The following TBCK variants were observed in gnomAD, a reference collection of about 807,000 sequenced individuals.
The protein encoded by TBCK is TBC domain-containing protein kinase-like protein.
TBCK carries 99 observed loss-of-function variants against 113.4 expected under a neutral mutation model. That is an observed-to-expected ratio of 0.87 (90% CI 0.74 to 1.03). TBCK has a LOEUF of 1.03. Ranked by LOEUF, TBCK falls within the 50% of genes least tolerant of loss-of-function variation. The pLI is 0.00. For synonymous variants in TBCK, 369 were observed against 370.8 expected (o/e 1.00, Z 0.05); for missense variants, 1,045 against 1,061.3 (o/e 0.98, Z 0.21).
Position 106,251,527 on chromosome 4 carries a change from T to C in TBCK, c.597+339A>G, listed in dbSNP as rs115009982. 7.1e-3 allele frequency among the ~76,000 whole-genome samples: 1,073 copies of C among 152,058 alleles called. 9 individuals carry two copies. Among genetic ancestry groups the C allele is most frequent in the African/African-American group, 0.024 (999 of 41,530 alleles). On this transcript the variant is annotated intron_variant, in intron 6 of 25. Coordinates refer to ENST00000394708, the MANE Select transcript of TBCK (RefSeq NM_001163435.3). ...TCATATCAATCTTCTAAAAACGTAG[T>C]TTTCATTTCAATATCTTGTTAAACT...
At position 106,220,612 on chromosome 4, in the gene TBCK, T is replaced by TA. The variant is rs201022020; in HGVS notation, c.1775-7778dup. Among the ~76,000 whole-genome samples, 64 of 147,002 alleles carry TA rather than the reference T, an allele frequency of 4.4e-4. 1 individual carries two copies. Among genetic ancestry groups the TA allele is most frequent in the South Asian group, 4.3e-3 (20 of 4,692 alleles). On this transcript the variant is annotated intron_variant, in intron 19 of 25. Transcript: ENST00000394708. The stretch of plus-strand genomic sequence containing the variant: ...TGTGAACTTTTACCCATGCTGGATT[T>TA]AAAAAAAAAAAGATACTCAAGTAAT...
At chr4:106,306,992 A>G (rs1767594666) in intron 2 of TBCK, among the ~76,000 whole-genome samples, 1 of 152,190 alleles carries the variant, frequency 6.6e-6, no homozygotes, top group Non-Finnish European at 1.5e-5. Context: ...TCTGCTAGAC[A>G]ATTAACTTTT....
chr4:106,073,223 T>C (rs1414876095), intron 25 of TBCK, among the ~76,000 whole-genome samples: 2 of 152,324 alleles, frequency 1.3e-5, no homozygotes, highest in Non-Finnish European at 2.9e-5. Context: ...GGTTTCTCCC[T>C]ATCTTTGTGG....
intron 10 of TBCK, among the ~76,000 whole-genome samples, chr4:106,246,068 C>T (rs1400419897): frequency 6.6e-6 from 1 of 152,116 alleles, no homozygotes. Flanking sequence ...CAAATTGTTC[C>T]TTCCCTCATA....
intron 7 of TBCK, among the ~76,000 whole-genome samples, 188 bp downstream of exon 7, chr4:106,250,230 G>A (rs1290775013): frequency 6.6e-6 from 1 of 151,964 alleles, no homozygotes; most frequent in African/African-American, 2.4e-5. Context: ...AGAAATTTCT[G>A]CTGTAATATT....
At chr4:106,234,337 T>C (rs1211561931) in intron 15 of TBCK, among the ~76,000 whole-genome samples, 7 of 152,092 alleles carry the variant, frequency 4.6e-5, no homozygotes, top group South Asian at 2.1e-4. Flanking sequence ...TCTTGTAAAG[T>C]AACCAACTAA....
intron 25 of TBCK, among the ~76,000 whole-genome samples, chr4:106,079,648 G>A (rs1738627913): frequency 6.6e-6 from 1 of 152,164 alleles, no homozygotes; most frequent in Non-Finnish European, 1.5e-5. Flanking sequence ...ACTGGTGAAA[G>A]AAATTATAGA....
intron 22 of TBCK, among the ~76,000 whole-genome samples, chr4:106,188,368 C>A (rs1482682066): frequency 6.6e-6 from 1 of 152,148 alleles, no homozygotes; most frequent in Non-Finnish European, 1.5e-5. Flanking sequence ...TTTTAATCTA[C>A]TTCAAAAGTG....
chr4:106,136,424 A>C (rs1166500226), intron 23 of TBCK, among the ~76,000 whole-genome samples: 2 of 141,096 alleles, frequency 1.4e-5, no homozygotes, highest in African/African-American at 2.5e-5. Context: ...AAACTGGGGA[A>C]CGCTTCTTTG....
chr4:106,092,896 C>T (rs913545867), intron 25 of TBCK, among the ~76,000 whole-genome samples: 14 of 152,312 alleles, frequency 9.2e-5, no homozygotes, highest in African/African-American at 2.6e-4. Context: ...GTGCTGAGGC[C>T]GAGGAGGTGC....
At chr4:106,200,290 C>T (rs1427845166) in intron 20 of TBCK, among the ~76,000 whole-genome samples, 1 of 152,210 alleles carries the variant, frequency 6.6e-6, no homozygotes, top group African/African-American at 2.4e-5. Context: ...CCCACAATCT[C>T]AGCACTTTGG....
intron 3 of TBCK, among the ~76,000 whole-genome samples, chr4:106,269,233 T>C (rs578081270): frequency 6.6e-6 from 1 of 152,184 alleles, no homozygotes. Flanking sequence ...AATGTTCAGA[T>C]AATATTACAA....
At chr4:106,114,061 T>C (rs1277888851) in intron 24 of TBCK, among the ~76,000 whole-genome samples, 1 of 152,194 alleles carries the variant, frequency 6.6e-6, no homozygotes, top group East Asian at 1.9e-4. Context: ...TGTCTTCTAT[T>C]ATTTACTAAT....
intron 19 of TBCK, among the ~76,000 whole-genome samples, chr4:106,218,945 C>T (rs1008270806): frequency 5.3e-5 from 8 of 151,954 alleles, no homozygotes; most frequent in South Asian, 2.1e-4. Flanking sequence ...GCATTATTCA[C>T]GATAGCAAAG....
Position 106,232,938 on chromosome 4 carries a change from C to A in TBCK, c.1639G>T (p.Gly547Cys). The change falls in exon 17 of 26, where the codon GGT becomes TGT. Residue 547 changes from glycine to cysteine, a missense_variant and splice_region_variant. Gly to Cys is a radical substitution (Grantham distance 159). Coordinates refer to ENST00000394708, the MANE Select transcript of TBCK (RefSeq NM_001163435.3). ...VSHPDLVYWQ[G>C]LDSLCAPFLY... ...GAGTTTTAATGACTACAAAAGTTAC[C>A]TTGCCAATACACAAGATCAGGATGA... 1.2e-6 allele frequency: 2 copies of A among 1,609,736 alleles called. No homozygotes were observed. The highest frequency in any genetic ancestry group is 1.7e-5 in the Admixed American group (1 of 59,576).
At chr4:106,060,976 T>C (rs1735970254) in intron 25 of TBCK, among the ~76,000 whole-genome samples, 1 of 151,726 alleles carries the variant, frequency 6.6e-6, no homozygotes. Context: ...GAGCCTGAGA[T>C]GTGGCTGAAC....
intron 12 of TBCK, among the ~76,000 whole-genome samples, chr4:106,240,520 A>G (rs1342266008): frequency 6.6e-6 from 1 of 152,034 alleles, no homozygotes; most frequent in Non-Finnish European, 1.5e-5. Flanking sequence ...TTGTGTTACT[A>G]ATCATGCACA....
At chr4:106,159,276 G>A (rs1749477885) in intron 23 of TBCK, among the ~76,000 whole-genome samples, 1 of 152,020 alleles carries the variant, frequency 6.6e-6, no homozygotes, top group Admixed American at 6.6e-5. Context: ...ACATAGTACT[G>A]GAAGTCCTAG....
chr4:106,103,093 TAAA>T (rs1741736768), intron 24 of TBCK, among the ~76,000 whole-genome samples: 1 of 152,180 alleles, frequency 6.6e-6, no homozygotes, highest in Non-Finnish European at 1.5e-5. Flanking sequence ...AAATTTTTAT[TAAA>T]AAGATTTTGA....
Sources: allele counts gnomAD v4.1 joint callset (sites outside exome capture counted in the v4.1 genomes callset), GRCh38; gene constraint gnomAD v4.1.1; transcripts MANE v1.5; gene names NCBI Gene and HGNC (gene_info 2026-07-23, HGNC 2026-07-21).